Variants in CDH17 observed in about 807,000 individuals in gnomAD.
CDH17 encodes the protein cadherin-17.
A neutral mutation model predicts 86.3 loss-of-function variants in CDH17; 67 were observed. The ratio of observed to expected loss-of-function variants is 0.78; its 90% CI spans 0.64 to 0.95. CDH17 has a LOEUF of 0.95. Ranked by LOEUF, CDH17 falls within the 40% of genes least tolerant of loss-of-function variation. CDH17 has a pLI of 0.00. For synonymous variants in CDH17, 367 were observed against 366.4 expected, an observed-to-expected ratio of 1.00 and a Z score of -0.02; for missense variants, 993 against 1,017.6, an observed-to-expected ratio of 0.98 and a Z score of 0.33.
At chr8:94,133,960 T>C (rs775548387) in intron 15 of CDH17, among the ~76,000 whole-genome samples, 1 of 152,236 alleles carries the variant, frequency 6.6e-6, no homozygotes, top group Non-Finnish European at 1.5e-5. Context: ...ATTATGTTTA[T>C]TGATTTGTGT....
At chr8:94,162,626 G>A (rs1297182878) in intron 10 of CDH17, among the ~76,000 whole-genome samples, 1 of 152,122 alleles carries the variant, frequency 6.6e-6, no homozygotes, top group Admixed American at 6.5e-5. Context: ...TGATGGTGAG[G>A]TCCAAGGGCC....
chr8:94,140,029 T>A (rs1178710734), intron 15 of CDH17, among the ~76,000 whole-genome samples: 1 of 152,168 alleles, frequency 6.6e-6, no homozygotes. Context: ...TAGAAAGGTA[T>A]AAGGTATAGG....
At chr8:94,156,405 C>G (rs960261728) in intron 12 of CDH17, among the ~76,000 whole-genome samples, 1 of 152,002 alleles carries the variant, frequency 6.6e-6, no homozygotes, top group Non-Finnish European at 1.5e-5. Context: ...AAGGCAGAAC[C>G]CTGAATTTCA....
At chr8:94,164,831 C>T (rs1294268551) in intron 10 of CDH17, among the ~76,000 whole-genome samples, 1 of 152,156 alleles carries the variant, frequency 6.6e-6, no homozygotes, top group African/African-American at 2.4e-5. Context: ...TTTTGTGTGT[C>T]TGTGCACATT....
intron 9 of CDH17, among the ~76,000 whole-genome samples, chr8:94,169,168 A>G (rs1169852054): frequency 6.6e-6 from 1 of 152,154 alleles, no homozygotes; most frequent in Non-Finnish European, 1.5e-5. Flanking sequence ...TTCCACCTTT[A>G]TTCAGTGTCA....
chr8:94,142,178 C>CTA (rs937643688), intron 15 of CDH17, among the ~76,000 whole-genome samples: 5 of 152,166 alleles, frequency 3.3e-5, no homozygotes, highest in African/African-American at 1.2e-4. Context: ...ACCACACCCC[C>CTA]TATGCAAGCA....
chr8:94,171,981 TCCCCCCTCCCCC>T (rs1813277981), intron 7 of CDH17, among the ~76,000 whole-genome samples: 1 of 20,756 alleles, frequency 4.8e-5, no homozygotes, highest in Non-Finnish European at 1.1e-4. Flanking sequence ...CCCTCCCCCC[TCCCCCCTCCCCC>T]TCCTCCCCCT....
chr8:94,128,494 T>C (rs1190711454), intron 17 of CDH17, among the ~76,000 whole-genome samples, 154 bp from the exon 18 acceptor site: 1 of 152,216 alleles, frequency 6.6e-6, no homozygotes, highest in Non-Finnish European at 1.5e-5. Context: ...AATAAGGGAC[T>C]CTAGTCGTTG....
At chr8:94,143,847 C>T (rs923614710) in intron 15 of CDH17, among the ~76,000 whole-genome samples, 1 of 152,178 alleles carries the variant, frequency 6.6e-6, no homozygotes, top group African/African-American at 2.4e-5. Flanking sequence ...ACTATTGTTG[C>T]TGTTTTAATC....
At chr8:94,208,845 T>A (rs1208745616), upstream of CDH17, among the ~76,000 whole-genome samples, 1 of 152,200 alleles carries the variant, frequency 6.6e-6, no homozygotes. Flanking sequence ...CAACTATCTC[T>A]AGAGTGTGAG....
upstream of CDH17, among the ~76,000 whole-genome samples, chr8:94,211,306 T>TTTTTA (rs546240868): frequency 6.6e-6 from 1 of 152,070 alleles, no homozygotes; most frequent in Non-Finnish European, 1.5e-5. Context: ...TTTATATTCT[T>TTTTTA]TTTTATTTTA....
chr8:94,143,306 T>G (rs531793399), intron 15 of CDH17, among the ~76,000 whole-genome samples: 83 of 152,326 alleles, frequency 5.4e-4, no homozygotes, highest in African/African-American at 1.8e-3. Flanking sequence ...ACAGTAGGTC[T>G]CAACAGTGGC....
chr8:94,213,055 C>T (rs1211141880), upstream of CDH17, among the ~76,000 whole-genome samples: 2 of 152,222 alleles, frequency 1.3e-5, no homozygotes, highest in Non-Finnish European at 2.9e-5. Context: ...TGGCTCACTG[C>T]AGCCTCGACT....
At chr8:94,211,034 A>G (rs1209788102), upstream of CDH17, among the ~76,000 whole-genome samples, 2 of 151,728 alleles carry the variant, frequency 1.3e-5, no homozygotes, top group East Asian at 1.9e-4. Context: ...AAAAAAAAAA[A>G]AAAAGAAAAC....
intron 1 of CDH17, among the ~76,000 whole-genome samples, chr8:94,201,570 A>T (rs1026966397): frequency 6.6e-6 from 1 of 152,232 alleles, no homozygotes; most frequent in Non-Finnish European, 1.5e-5. Flanking sequence ...CACAGCTCTC[A>T]GGAGGAACCA....
chr8:94,187,867 T>C (rs1813611093), intron 3 of CDH17, among the ~76,000 whole-genome samples: 1 of 152,132 alleles, frequency 6.6e-6, no homozygotes, highest in South Asian at 2.1e-4. Context: ...ATTCACTGCT[T>C]CTTCAGGCCC....
At chr8:94,160,438 A>T (rs1813030656) in intron 11 of CDH17, among the ~76,000 whole-genome samples, 1 of 152,226 alleles carries the variant, frequency 6.6e-6, no homozygotes, top group African/African-American at 2.4e-5. Context: ...TTTGTTTAAT[A>T]ACTTAATTAT....
chr8:94,130,726 A>G lies in CDH17; in HGVS notation c.2298T>C (p.Ser766=), dbSNP rs753239226. The G allele has an allele frequency of 2.5e-6, 4 of 1,613,502 alleles. No homozygotes were observed. Among genetic ancestry groups the G allele is most frequent in the South Asian group, 1.1e-5 (1 of 91,054 alleles). ...GIVSLPVTFC[S]CVEGSCFRPA... is the part of the protein sequence containing the mutation. Reference sequence around the variant, plus strand: ...GCCGGAAACAACTTCCTTCCACACAACTGCAGAATGTAACTGAAAAGCAGG... The same window carrying G: ...GCCGGAAACAACTTCCTTCCACACAGCTGCAGAATGTAACTGAAAAGCAGG... The change falls in exon 17 of 18, where the codon AGT becomes AGC. Residue 766 remains serine, a synonymous_variant. Transcript: ENST00000027335.
chr8:94,203,909 T>C (rs1192832780), intron 1 of CDH17, among the ~76,000 whole-genome samples: 1 of 152,134 alleles, frequency 6.6e-6, no homozygotes, highest in East Asian at 1.9e-4. Context: ...CTAAACTCTG[T>C]AATATAGATA....
Sources: gnomAD v4.1 joint callset for allele counts (sites outside exome capture counted in the v4.1 genomes callset) on GRCh38, gnomAD v4.1.1 for gene constraint, MANE v1.5 for transcripts, NCBI Gene and HGNC (gene_info 2026-07-23, HGNC 2026-07-21) for gene names.